TOX2: variants seen among roughly 807,000 people sequenced by gnomAD.
TOX2 encodes the protein TOX high mobility group box family member 2, also known as granulosa cell HMG box 1.
Under a neutral mutation model 47.4 loss-of-function variants are expected in TOX2, and 15 were observed. The ratio of observed to expected loss-of-function variants is 0.32; its 90% CI spans 0.21 to 0.49. The LOEUF is 0.49. Among genes scored for constraint, TOX2 ranks in the 20% least tolerant of loss-of-function variants. TOX2 has a pLI of 0.99. For missense variants in TOX2, 622 were observed against 673.1 expected (o/e 0.92, Z 0.84); for synonymous variants, 290 against 296.6 (o/e 0.98, Z 0.23).
At chr20:44,022,045 G>A (rs2070983965) in intron 3 of TOX2, among the ~76,000 whole-genome samples, 1 of 152,208 alleles carries the variant, frequency 6.6e-6, no homozygotes, top group African/African-American at 2.4e-5. Flanking sequence ...GCACGTGGCG[G>A]AAGGCCCGTC....
chr20:43,969,072 A>G (rs1413186994), intron 1 of TOX2, among the ~76,000 whole-genome samples: 1 of 152,212 alleles, frequency 6.6e-6, no homozygotes, highest in Admixed American at 6.5e-5. Flanking sequence ...GTTTGTACAC[A>G]TATGGGCACA....
At chr20:43,949,343 C>T (rs2069521343) in intron 1 of TOX2, among the ~76,000 whole-genome samples, 1 of 152,216 alleles carries the variant, frequency 6.6e-6, no homozygotes, top group South Asian at 2.1e-4. Flanking sequence ...CCTCCCAGGC[C>T]TCCCTGCCTC....
At chr20:43,996,678 G>A (rs887139961) in intron 2 of TOX2, among the ~76,000 whole-genome samples, 2 of 151,622 alleles carry the variant, frequency 1.3e-5, no homozygotes, top group Admixed American at 6.6e-5. Context: ...TGGGATTTAT[G>A]CTGACTTCCT....
At chr20:43,974,275 G>C (rs536565211) in intron 2 of TOX2, among the ~76,000 whole-genome samples, 24 of 151,756 alleles carry the variant, frequency 1.6e-4, no homozygotes, top group Non-Finnish European at 3.1e-4. Context: ...AGTGATGCAA[G>C]GGTGGGTCCT....
intron 3 of TOX2, among the ~76,000 whole-genome samples, chr20:44,014,821 A>C (rs1303272703): frequency 6.6e-6 from 1 of 151,952 alleles, no homozygotes; most frequent in Non-Finnish European, 1.5e-5. Context: ...GCTGCTTACC[A>C]ACTTTGTCGG....
Position 43,915,044 on chromosome 20 carries a change from G to A in TOX2, c.99+54G>A. On this transcript the variant is annotated intron_variant, in intron 1 of 8. Transcript: ENST00000341197. The surrounding 1 kb of genome is among the most constrained non-coding windows in gnomAD (Gnocchi z 7.1). The stretch of plus-strand genomic sequence containing the variant: ...CGGGCGGGGCCGGAGTCACCTGGCA[G>A]CTCGGGACTCAGGCGCTCCCGGGGT... The A allele has an allele frequency of 9.1e-7, 1 of 1,095,560 alleles. No individual in the cohort carries two copies. The highest frequency in any genetic ancestry group is 4.0e-5 in the East Asian group (1 of 25,062). The allele number at this position is 1,095,560 out of a possible 1,614,324, so 67.9% of individuals were successfully genotyped here.
intron 1 of TOX2, among the ~76,000 whole-genome samples, chr20:43,935,183 C>A (rs990975368): frequency 6.6e-6 from 1 of 152,092 alleles, no homozygotes; most frequent in Non-Finnish European, 1.5e-5. Context: ...GGGGAGGATT[C>A]GGTTCTGAAT....
chr20:44,011,186 C>T (rs2070773200), intron 3 of TOX2, among the ~76,000 whole-genome samples: 1 of 152,212 alleles, frequency 6.6e-6, no homozygotes, highest in South Asian at 2.1e-4. Flanking sequence ...CAAAGACCCT[C>T]TTTTCTAAAT....
intron 1 of TOX2, among the ~76,000 whole-genome samples, chr20:43,966,718 C>T (rs1309390545): frequency 6.7e-6 from 1 of 150,006 alleles, no homozygotes; most frequent in Admixed American, 6.6e-5. Context: ...CATGCCATTT[C>T]ACTCCAGCCT....
At chr20:44,020,045 C>T in intron 3 of TOX2, among the ~76,000 whole-genome samples, 1 of 152,220 alleles carries the variant, frequency 6.6e-6, no homozygotes, top group East Asian at 1.9e-4. Flanking sequence ...CACATGTAAC[C>T]AGCTGTGCGA....
At chr20:43,965,982 T>C (rs1312294674) in intron 1 of TOX2, among the ~76,000 whole-genome samples, 1 of 152,110 alleles carries the variant, frequency 6.6e-6, no homozygotes, top group Non-Finnish European at 1.5e-5. Context: ...TGGGGGCTGA[T>C]AAGGGGATAG....
At chr20:43,992,971 A>T (rs1386839135) in intron 2 of TOX2, among the ~76,000 whole-genome samples, 1 of 151,992 alleles carries the variant, frequency 6.6e-6, no homozygotes, top group African/African-American at 2.4e-5. Flanking sequence ...GGTCCTCCTT[A>T]TACCCACCAA....
intron 1 of TOX2, among the ~76,000 whole-genome samples, chr20:43,928,713 G>A (rs1055636543): frequency 6.6e-5 from 10 of 152,116 alleles, no homozygotes; most frequent in South Asian, 2.1e-4. Context: ...GGGAAACTTC[G>A]CTTTCCATGG....
chr20:44,008,181 A>G (rs2070718994), intron 3 of TOX2, among the ~76,000 whole-genome samples: 1 of 152,104 alleles, frequency 6.6e-6, no homozygotes, highest in Non-Finnish European at 1.5e-5. Flanking sequence ...CCTGGAGCCA[A>G]GGAGAGAGAG....
intron 1 of TOX2, among the ~76,000 whole-genome samples, chr20:43,934,136 G>GAGAGA (rs2069291583): frequency 8.2e-6 from 1 of 122,084 alleles, no homozygotes; most frequent in Non-Finnish European, 1.7e-5. Context: ...CCCAAGGTAA[G>GAGAGA]GAGAGAGAGA....
rs942873972 is a variant in TOX2, at chr20:43,957,615, A to T, written c.100-15752A>T. 8.2e-5 allele frequency among the ~76,000 whole-genome samples: 12 copies of T among 145,798 alleles called. No homozygotes were observed. In the East Asian group the frequency reaches 2.5e-3, roughly 30 times the overall value. ...CTTAAACAAATATTTATTTTCTCAC[A>T]GGGCTAGAGGTCAGAAGTATGAGAT... On this transcript the variant is annotated intron_variant, in intron 1 of 8. Coordinates refer to ENST00000341197, the MANE Select transcript of TOX2 (RefSeq NM_001098797.2).
At chr20:43,987,164 T>TA (rs1288206193) in intron 2 of TOX2, among the ~76,000 whole-genome samples, 1 of 152,190 alleles carries the variant, frequency 6.6e-6, no homozygotes, top group Non-Finnish European at 1.5e-5. Flanking sequence ...GAAATATTCT[T>TA]ACACAGTGGA....
rs149726409 is a variant in TOX2, at chr20:44,068,950, C to T, written c.*264C>T. On this transcript the variant is annotated 3_prime_UTR_variant, in exon 9 of 9. Transcript: ENST00000341197. ...GCTCCAGGGTAACTGTGGACCCTGT[C>T]CTCGCCCTGCGCACGGTACCCTATG... is the stretch of plus-strand genomic sequence containing the variant. The T allele has an allele frequency of 1.4e-3, 907 of 628,926 alleles. 2 individuals carry two copies. Among genetic ancestry groups the T allele is most frequent in the Non-Finnish European group, 2.0e-3 (682 of 334,202 alleles). The allele number at this position is 628,926 out of a possible 1,614,324, so 39.0% of individuals were successfully genotyped here.
chr20:43,973,651 A>G (rs921920515), intron 2 of TOX2, among the ~76,000 whole-genome samples: 1 of 152,174 alleles, frequency 6.6e-6, no homozygotes, highest in Non-Finnish European at 1.5e-5. Context: ...TTGGCTTAAA[A>G]TGGATTGGGA....
Sources: allele counts gnomAD v4.1 joint callset (sites outside exome capture counted in the v4.1 genomes callset), GRCh38; gene constraint gnomAD v4.1.1; non-coding constraint Gnocchi (gnomAD v3.1); transcripts MANE v1.5; gene names NCBI Gene and HGNC (gene_info 2026-07-23, HGNC 2026-07-21).